ABI2: variants seen among roughly 807,000 people sequenced by gnomAD.
ABI2 encodes abl interactor 2, also known as abelson interactor 2.
In ABI2, 25 loss-of-function variants were observed where a neutral mutation model predicts 59.2. The ratio of observed to expected loss-of-function variants is 0.42; its 90% CI spans 0.31 to 0.59. The LOEUF is 0.59. Ranked by LOEUF, ABI2 falls within the 20% of genes least tolerant of loss-of-function variation. The probability of loss-of-function intolerance (pLI) is 0.14; values close to 1 mark genes in which losing one functional copy is unlikely to be tolerated. For synonymous variants in ABI2, 213 were observed against 235.5 expected (o/e 0.90, Z 0.87); for missense variants, 545 against 681.8 (o/e 0.80, Z 2.23).
At position 203,427,400 on chromosome 2, in the gene ABI2, A is replaced by C. The variant is rs1239772522; in HGVS notation, c.*48A>C. 1 of 1,521,460 alleles carries C rather than the reference A, an allele frequency of 6.6e-7. No homozygotes were observed. The highest frequency in any genetic ancestry group is 2.3e-5 in the East Asian group (1 of 43,944). The allele number at this position is 1,521,460 out of a possible 1,614,324, so 94.2% of individuals were successfully genotyped here. On this transcript the variant is annotated 3_prime_UTR_variant, in exon 12 of 12. Coordinates refer to ENST00000261018, the MANE Select transcript of ABI2 (RefSeq NM_001375670.1). Reference sequence around the variant, plus strand: ...CTCACAGGAATAGTCAGGTCTTCCCAGATTATCTGAAGGCCCTGGGGATTC... The same window carrying C: ...CTCACAGGAATAGTCAGGTCTTCCCCGATTATCTGAAGGCCCTGGGGATTC...
rs1014330028 is a variant in ABI2 at position 203,431,926 on chromosome 2, T to TAA, written c.*4576_*4577dup. 24 of 152,302 alleles carry TAA rather than the reference T, an allele frequency of 1.6e-4. No homozygotes were observed. Among genetic ancestry groups the TAA allele is most frequent in the African/African-American group, 5.5e-4 (23 of 41,580 alleles). 9.4% of individuals were successfully genotyped at this position (152,302 alleles called of 1,614,324 possible). On this transcript the variant is annotated 3_prime_UTR_variant, in exon 12 of 12. Coordinates refer to ENST00000261018, the MANE Select transcript of ABI2 (RefSeq NM_001375670.1). ...TTAAAATGGCTTACAAAAAAGAATG[T>TAA]AAACAATTTGTGATCTGGCCAGTTG...
At chr2:203,342,993 G>C (rs1266784675) in intron 1 of ABI2, among the ~76,000 whole-genome samples, 3 of 152,116 alleles carry the variant, frequency 2.0e-5, no homozygotes, top group Admixed American at 1.3e-4. Flanking sequence ...AAATAATACA[G>C]TCTATACCGT....
intron 1 of ABI2, among the ~76,000 whole-genome samples, chr2:203,334,444 A>G (rs2075490955): frequency 6.6e-6 from 1 of 152,174 alleles, no homozygotes; most frequent in Non-Finnish European, 1.5e-5. Context: ...GGAATTTAAT[A>G]GTATGCAGTT....
At chr2:203,347,726 T>C (rs968690673) in intron 1 of ABI2, among the ~76,000 whole-genome samples, 7 of 152,258 alleles carry the variant, frequency 4.6e-5, no homozygotes, top group East Asian at 1.9e-4. Flanking sequence ...ACATAACTTA[T>C]GACACTTAGG....
At chr2:203,371,794 G>A (rs1158859593) in intron 2 of ABI2, among the ~76,000 whole-genome samples, 2 of 151,860 alleles carry the variant, frequency 1.3e-5, no homozygotes, top group African/African-American at 4.8e-5. Context: ...GATGAATGTT[G>A]CTTACTGTGC....
At position 203,338,086 on chromosome 2, in the gene ABI2, A is replaced by G. The variant is rs1333617723; in HGVS notation, c.117+9455A>G. 2.0e-5 allele frequency among the ~76,000 whole-genome samples: 3 copies of G among 152,346 alleles called. No homozygotes were observed. The East Asian group carries it at 5.8e-4, about 29-fold the overall frequency. On this transcript the variant is annotated intron_variant, in intron 1 of 11. Transcript: ENST00000261018. ...TACTGGCATAAAAGACATGTAGACT[A>G]ATGGAACAGAATGGAGCCCGGAAAT...
chr2:203,328,941 G>T, intron 1 of ABI2: 1 of 240,720 alleles, frequency 4.2e-6, no homozygotes, highest in Non-Finnish European at 7.9e-6. Context: ...GGATGGCGGA[G>T]GGGGCGGAGA....
chr2:203,356,222 C>G (rs934543353), intron 1 of ABI2, among the ~76,000 whole-genome samples: 2 of 152,098 alleles, frequency 1.3e-5, no homozygotes, highest in South Asian at 4.1e-4. Context: ...AGGTCTTGCT[C>G]TGTCACCCAG....
intron 4 of ABI2, among the ~76,000 whole-genome samples, chr2:203,386,192 A>G (rs998054115): frequency 2.0e-5 from 3 of 152,108 alleles, no homozygotes; most frequent in Admixed American, 6.6e-5. Context: ...TGAAGGCCCA[A>G]AGGTGACTGA....
chr2:203,360,184 C>CAAAAAAAAAAAAAAAAA (rs58857922), intron 1 of ABI2, among the ~76,000 whole-genome samples: 1 of 70,904 alleles, frequency 1.4e-5, no homozygotes, highest in Non-Finnish European at 2.7e-5. Flanking sequence ...GACTCCATCT[C>CAAAAAAAAAAAAAAAAA]AAAAAAAAAA....
chr2:203,365,672 C>T (rs1336460546), intron 1 of ABI2, among the ~76,000 whole-genome samples: 1 of 133,670 alleles, frequency 7.5e-6, no homozygotes, highest in African/African-American at 2.7e-5. Context: ...CTCTGTTGCC[C>T]AGGCTAGAGT....
chr2:203,381,749 A>G (rs2096141415), intron 3 of ABI2, among the ~76,000 whole-genome samples: 1 of 152,232 alleles, frequency 6.6e-6, no homozygotes, highest in Admixed American at 6.5e-5. Context: ...TAATGCCAAA[A>G]AGACACTTAG....
At position 203,363,359 on chromosome 2, in the gene ABI2, A is replaced by G. The variant is rs528493202; in HGVS notation, c.118-3518A>G. On this transcript the variant is annotated intron_variant, in intron 1 of 11. Coordinates refer to ENST00000261018, the MANE Select transcript of ABI2 (RefSeq NM_001375670.1). ...GTACAATTAAATTATTTTTTATGAA[A>G]TCACCCTGTTGTGCTAGCAAATACT... Among the ~76,000 whole-genome samples, 303 of 152,242 alleles carry G rather than the reference A, an allele frequency of 2.0e-3. 1 individual carries two copies. The highest frequency in any genetic ancestry group is 3.9e-3 in the Non-Finnish European group (266 of 68,008).
At chr2:203,397,926 C>T (rs1291770644) in intron 8 of ABI2, among the ~76,000 whole-genome samples, 2 of 152,120 alleles carry the variant, frequency 1.3e-5, no homozygotes, top group African/African-American at 4.8e-5. Flanking sequence ...CATGAGAAAC[C>T]GCCCTTGTGA....
chr2:203,431,309 T>G lies in ABI2; in HGVS notation c.*3957T>G, dbSNP rs2098481710. 1 of 152,650 alleles carries G rather than the reference T, an allele frequency of 6.6e-6. No homozygotes were observed. The highest frequency in any genetic ancestry group is 2.1e-4 in the South Asian group (1 of 4,830). The allele number at this position is 152,650 out of a possible 1,614,324, so 9.5% of individuals were successfully genotyped here. A position where few individuals can be genotyped will look rare whatever the true frequency, so the allele number is the denominator to read the frequency against. ...CAGTGCTCAGTACTTAATTTTCCAC[T>G]GCACCACAACTGTCTTAACTAAATG... On this transcript the variant is annotated 3_prime_UTR_variant, in exon 12 of 12. Transcript: ENST00000261018.
intron 3 of ABI2, 64 bp from the exon 4 acceptor site, chr2:203,382,124 GT>G (rs1340616763): frequency 4.8e-5 from 67 of 1,391,068 alleles, no homozygotes; most frequent in Admixed American, 9.7e-5. Flanking sequence ...ACATCCTGAA[GT>G]TTCAACTAAC....
At chr2:203,395,446 T>TACACACACACAC (rs774200941) in intron 6 of ABI2, among the ~76,000 whole-genome samples, 8 of 85,348 alleles carry the variant, frequency 9.4e-5, no homozygotes, top group Admixed American at 4.0e-4. Context: ...TATATATATA[T>TACACACACACAC]ATACACACAC....
chr2:203,344,432 C>G (rs1256717060), intron 1 of ABI2, among the ~76,000 whole-genome samples: 1 of 151,816 alleles, frequency 6.6e-6, no homozygotes, highest in South Asian at 2.1e-4. Context: ...GGGGCGTGAT[C>G]ATGTCTCACT....
At chr2:203,328,691 C>G in intron 1 of ABI2, 60 bp downstream of exon 1, 24 of 1,262,354 alleles carry the variant, frequency 1.9e-5, no homozygotes, top group Non-Finnish European at 2.3e-5. Flanking sequence ...CCGCGCGCCT[C>G]GGGGCGTGGG....
Sources: allele counts gnomAD v4.1 joint callset (sites outside exome capture counted in the v4.1 genomes callset), GRCh38; gene constraint gnomAD v4.1.1; transcripts MANE v1.5; gene names NCBI Gene and HGNC (gene_info 2026-07-23, HGNC 2026-07-21).